MYOM2: variants seen among roughly 807,000 people sequenced by gnomAD.
MYOM2 encodes the protein myomesin-2.
In MYOM2, 254 loss-of-function variants were observed where a neutral mutation model predicts 187.6. The observed-to-expected ratio is 1.35, with a 90% CI of 1.22 to 1.50. The LOEUF (loss-of-function observed/expected upper bound fraction) is 1.50. Ranked by LOEUF, MYOM2 falls within the 40% of genes most tolerant of loss-of-function variation. MYOM2 has a pLI of 0.00. For missense variants in MYOM2, 2,796 were observed against 1,924.0 expected, an observed-to-expected ratio of 1.45 and a Z score of -8.48; for synonymous variants, 981 against 753.8, an observed-to-expected ratio of 1.30 and a Z score of -4.94.
At position 2,075,408 on chromosome 8, in the gene MYOM2, G is replaced by A. The variant is rs1368025549; in HGVS notation, c.1121-733G>A. Among the ~76,000 whole-genome samples, 6 of 152,042 alleles carry A rather than the reference G, an allele frequency of 3.9e-5. No homozygotes were observed. In the East Asian group the frequency reaches 1.2e-3, roughly 29 times the overall value. ...TTTAACCATTTTCATCGCTTTCTGA[G>A]GCTTTTGAATGTGAGAGGAAACCAT... On this transcript the variant is annotated intron_variant, in intron 10 of 36. Transcript: ENST00000262113.
intron 36 of MYOM2, among the ~76,000 whole-genome samples, chr8:2,144,063 A>G (rs1432338507): frequency 6.6e-6 from 1 of 152,242 alleles, no homozygotes; most frequent in Non-Finnish European, 1.5e-5. Flanking sequence ...AGAAAATTTT[A>G]TTAGCCCAAA....
At position 2,123,237 on chromosome 8, in the gene MYOM2, C is replaced by G. The variant is rs372322964; in HGVS notation, c.3454-15C>G. 7.7e-6 allele frequency: 12 copies of G among 1,557,298 alleles called. No homozygotes were observed. Among genetic ancestry groups the G allele is most frequent in the East Asian group, 2.2e-5 (1 of 44,600 alleles). On this transcript the variant is annotated splice_polypyrimidine_tract_variant and intron_variant, in intron 28 of 36. Coordinates refer to ENST00000262113, the MANE Select transcript of MYOM2 (RefSeq NM_003970.4). ...GAATGATTTACACACTAAACTTAAG[C>G]TTTCTACCTCACAGGTTGCAAACAC...
chr8:2,076,231 A>G lies in MYOM2; in HGVS notation c.1211A>G (p.Lys404Arg). ...ANRDYVIVTW[K>R]PPNTTTESPV... ...CGGGACTACGTCATCGTGACCTGGA[A>G]GCCGCCCAACACCACCACTGAGAGC... The change falls in exon 11 of 37, where the codon AAG (lysine) becomes AGG (arginine). Residue 404 changes from lysine (K) to arginine (R), a missense_variant. Lys to Arg is a conservative substitution (Grantham distance 26). Transcript: ENST00000262113. 6.2e-7 allele frequency: 1 copy of G among 1,613,718 alleles called. No individual in the cohort carries two copies. The highest frequency in any genetic ancestry group is 1.1e-5 in the South Asian group (1 of 90,948).
intron 32 of MYOM2, among the ~76,000 whole-genome samples, chr8:2,133,557 T>C (rs2116895152): frequency 6.6e-6 from 1 of 152,292 alleles, no homozygotes. Flanking sequence ...GCCTCCTGGG[T>C]TCAAGTGATT....
chr8:2,127,622 G>A (rs1420955696), intron 31 of MYOM2: 2 of 160,288 alleles, frequency 1.2e-5, no homozygotes, highest in African/African-American at 4.9e-5. Flanking sequence ...GCAGTACCTC[G>A]GCGTGACGCG....
At chr8:2,135,829 G>C (rs4637863) in intron 32 of MYOM2, among the ~76,000 whole-genome samples, 19,848 of 152,182 alleles carry the variant, frequency 0.13, 2,192 homozygotes, top group African/African-American at 0.28. Context: ...TCAGCGACTA[G>C]ATAGTCAAAG....
At chr8:2,113,535 G>A (rs1797136599) in intron 25 of MYOM2, among the ~76,000 whole-genome samples, 1 of 152,122 alleles carries the variant, frequency 6.6e-6, no homozygotes, top group Admixed American at 6.5e-5. Flanking sequence ...TGGTGCAGGG[G>A]GTTAGCTGTT....
chr8:2,094,035 T>G lies in MYOM2; in HGVS notation c.2069T>G (p.Val690Gly). 6.2e-7 allele frequency: 1 copy of G among 1,614,154 alleles called. No homozygotes were observed. The highest frequency in any genetic ancestry group is 1.3e-5 in the African/African-American group (1 of 75,030). Residue 690 changes from valine to glycine, a missense_variant, in exon 17 of 37, where the codon GTG (valine) becomes GGG (glycine). Physicochemically the swap from Val to Gly is moderately radical, Grantham distance 109. Transcript: ENST00000262113. ...YIFRVKAVNA[V>G]GMSENSQESD... is the part of the protein sequence containing the mutation. ...TTCCGAGTCAAGGCGGTCAATGCTG[T>G]GGGGATGAGTGAAAATTCCCAGGAA...
At chr8:2,067,473 G>T (rs1423764603) in intron 6 of MYOM2, among the ~76,000 whole-genome samples, 1 of 152,154 alleles carries the variant, frequency 6.6e-6, no homozygotes, top group African/African-American at 2.4e-5. Context: ...CATCCTAGTG[G>T]GATAGTGATG....
intron 28 of MYOM2, among the ~76,000 whole-genome samples, chr8:2,120,396 G>A (rs747393372): frequency 1.3e-5 from 2 of 151,680 alleles, no homozygotes; most frequent in Non-Finnish European, 2.9e-5. Context: ...GTGTGAGCTT[G>A]TTGATGAGCC....
chr8:2,054,706 C>G (rs944304058), intron 3 of MYOM2, among the ~76,000 whole-genome samples: 1 of 152,242 alleles, frequency 6.6e-6, no homozygotes, highest in African/African-American at 2.4e-5. Context: ...GAGAGGACAT[C>G]TGAACCTTTA....
At chr8:2,096,581 G>C (rs113392829) in intron 18 of MYOM2, 147 bp downstream of exon 18, 1 of 806,314 alleles carries the variant, frequency 1.2e-6, no homozygotes, top group Non-Finnish European at 1.9e-6. Context: ...TGAAGTTTTG[G>C]AGCTAAAAAG....
intron 14 of MYOM2, among the ~76,000 whole-genome samples, chr8:2,086,013 GTGGCCCCC>G (rs1796014446): frequency 3.3e-4 from 1 of 3,072 alleles, no homozygotes; most frequent in Non-Finnish European, 4.8e-4. Flanking sequence ...TGATCTCTTT[GTGGCCCCC>G]CACTGTCGTG....
chr8:2,106,655 G>C (rs1222753394), intron 23 of MYOM2, 58 bp downstream of exon 23: 2 of 1,244,604 alleles, frequency 1.6e-6, no homozygotes, highest in Non-Finnish European at 2.3e-6. Flanking sequence ...TTCAAAGATT[G>C]ACACCAACAT....
At chr8:2,052,415 A>G (rs974262073) in intron 3 of MYOM2, 102 bp downstream of exon 3, 2 of 1,285,562 alleles carry the variant, frequency 1.6e-6, no homozygotes, top group African/African-American at 1.5e-5. Flanking sequence ...GAGAGGGAAG[A>G]TCAAGGAACA....
intron 19 of MYOM2, chr8:2,100,600 C>T (rs1005080626): frequency 1.6e-5 from 7 of 443,392 alleles, no homozygotes; most frequent in Admixed American, 1.0e-4. Context: ...TCTCTGTGAT[C>T]GCATCTGCTG....
intron 32 of MYOM2, among the ~76,000 whole-genome samples, chr8:2,134,130 G>A (rs761513549): frequency 6.6e-6 from 1 of 152,164 alleles, no homozygotes. Flanking sequence ...GACCAATTCA[G>A]ATTGCACCTT....
At chr8:2,069,527 G>C (rs1248477194) in intron 8 of MYOM2, 30 bp downstream of exon 8, 3 of 1,613,484 alleles carry the variant, frequency 1.9e-6, no homozygotes, top group Non-Finnish European at 2.5e-6. Flanking sequence ...TTTTCTGTGT[G>C]GTGAAATGTT....
chr8:2,085,574 TGTTGTGATCTCTGCGTGGC>T (rs1819829174), intron 14 of MYOM2, among the ~76,000 whole-genome samples, 184 bp downstream of exon 14: 1 of 16,894 alleles, frequency 5.9e-5, no homozygotes, highest in Non-Finnish European at 9.4e-5. Context: ...GTGGCCCCAC[TGTTGTGATCTCTGCGTGGC>T]CCCACTGTCG....
Sources: allele counts gnomAD v4.1 joint callset (sites outside exome capture counted in the v4.1 genomes callset), GRCh38; gene constraint gnomAD v4.1.1; transcripts MANE v1.5; gene names NCBI Gene and HGNC (gene_info 2026-07-23, HGNC 2026-07-21).